CEP70: variants seen among roughly 807,000 people sequenced by gnomAD.
CEP70 encodes centrosomal protein of 70 kDa.
Under a neutral mutation model 90.9 loss-of-function variants are expected in CEP70, and 70 were observed. The observed-to-expected ratio is 0.77, with a 90% CI of 0.64 to 0.94. The LOEUF (loss-of-function observed/expected upper bound fraction) is 0.94, where lower values mean the gene tolerates loss of function less well. Ranked by LOEUF, CEP70 falls within the 40% of genes least tolerant of loss-of-function variation. The pLI, the probability that CEP70 is intolerant of heterozygous loss-of-function variation, is 0.00. For missense variants in CEP70, 648 were observed against 669.0 expected (o/e 0.97, Z 0.35); for synonymous variants, 220 against 228.3 (o/e 0.96, Z 0.33).
rs180759652 is a variant in CEP70, at chr3:138,497,488, T to G, written c.1732+543A>C. The G allele has an allele frequency of 1.3e-3, 1,293 of 969,880 alleles. 3 individuals are homozygous for G. The highest frequency in any genetic ancestry group is 1.5e-3 in the Non-Finnish European group (1,189 of 815,904). 60.1% of individuals were successfully genotyped at this position (969,880 alleles called of 1,614,324 possible). ...ACTAGATAAGGTCTCTATTTTGCCT[T>G]ATGAGTCCTAAGCAAATTTTTTCCT... On this transcript the variant is annotated intron_variant, in intron 17 of 17. Coordinates refer to ENST00000264982, the MANE Select transcript of CEP70 (RefSeq NM_024491.4).
At chr3:138,537,528 G>GA (rs1309882255) in intron 6 of CEP70, among the ~76,000 whole-genome samples, 181 bp from the exon 7 acceptor site, 3 of 151,994 alleles carry the variant, frequency 2.0e-5, no homozygotes, top group African/African-American at 7.2e-5. Context: ...TCATAAACCT[G>GA]AAAAAATATA....
At chr3:138,496,706 T>TA (rs2033979733) in intron 17 of CEP70, 13 of 985,354 alleles carry the variant, frequency 1.3e-5, no homozygotes, top group Non-Finnish European at 1.6e-5. Flanking sequence ...ACCTATTAAT[T>TA]AAAAAAACTG....
At chr3:138,558,720 A>C (rs1350953897) in intron 6 of CEP70, among the ~76,000 whole-genome samples, 1 of 152,222 alleles carries the variant, frequency 6.6e-6, no homozygotes, top group African/African-American at 2.4e-5. Context: ...AATCATGATT[A>C]CCTCTAGGGT....
At chr3:138,517,407 T>C (rs1023642913) in intron 11 of CEP70, among the ~76,000 whole-genome samples, 6 of 152,126 alleles carry the variant, frequency 3.9e-5, no homozygotes, top group African/African-American at 1.2e-4. Context: ...CGGTGACTCA[T>C]GCCTGTAATC....
intron 11 of CEP70, among the ~76,000 whole-genome samples, chr3:138,513,132 G>T (rs2035681269): frequency 6.6e-6 from 1 of 152,190 alleles, no homozygotes; most frequent in South Asian, 2.1e-4. Context: ...GCTCTGCCTG[G>T]AAGATCTCTT....
In CEP70 at chr3:138,538,544, A is replaced by C. The variant is rs371759754; in HGVS notation, c.466-1197T>G. ...ACCTCTATGTAAACATATCCAAGAA[A>C]AACCCAAACAAGCCAGACAGTGAAA... On this transcript the variant is annotated intron_variant, in intron 6 of 17. Coordinates refer to ENST00000264982, the MANE Select transcript of CEP70 (RefSeq NM_024491.4). 6.6e-5 allele frequency among the ~76,000 whole-genome samples: 10 copies of C among 152,280 alleles called. No individual in the cohort carries two copies. The East Asian group carries it at 9.7e-4, about 15-fold the overall frequency.
intron 11 of CEP70, among the ~76,000 whole-genome samples, chr3:138,523,519 C>G (rs2036894930): frequency 6.6e-6 from 1 of 152,130 alleles, no homozygotes; most frequent in Admixed American, 6.5e-5. Context: ...TAGGCAACTT[C>G]AGCAAAGTCT....
At chr3:138,514,722 A>G (rs919504025) in intron 11 of CEP70, among the ~76,000 whole-genome samples, 1 of 152,096 alleles carries the variant, frequency 6.6e-6, no homozygotes, top group African/African-American at 2.4e-5. Context: ...TTTAAGTTTT[A>G]CCTTGAAAAA....
At position 138,573,028 on chromosome 3, in the gene CEP70, G is replaced by C. The variant is rs12490929; in HGVS notation, c.-5-96C>G. On this transcript the variant is annotated intron_variant, in intron 2 of 17. Transcript: ENST00000264982. Reference sequence around the variant, plus strand: ...AAAGTGCAAAAGGAGTTAAAGAAAAGTATATTTAAAAGAATCCACTACTCT... The same window carrying C: ...AAAGTGCAAAAGGAGTTAAAGAAAACTATATTTAAAAGAATCCACTACTCT... 7.2e-3 allele frequency: 6,056 copies of C among 837,540 alleles called. 176 individuals are homozygous for C. In the Admixed American group the frequency reaches 0.072, roughly 10 times the overall value. The allele number at this position is 837,540 out of a possible 1,614,324, so 51.9% of individuals were successfully genotyped here.
intron 6 of CEP70, among the ~76,000 whole-genome samples, chr3:138,560,177 G>A (rs1336707447): frequency 6.6e-6 from 1 of 152,182 alleles, no homozygotes; most frequent in African/African-American, 2.4e-5. Context: ...CATCTAATTG[G>A]GATTGGTTGG....
intron 6 of CEP70, among the ~76,000 whole-genome samples, chr3:138,560,905 G>A (rs1290192459): frequency 6.6e-6 from 1 of 152,142 alleles, no homozygotes; most frequent in Non-Finnish European, 1.5e-5. Context: ...ATCTCCCTGG[G>A]ACAGAGCACC....
chr3:138,502,475 T>C (rs1396777846), intron 13 of CEP70, among the ~76,000 whole-genome samples: 1 of 152,110 alleles, frequency 6.6e-6, no homozygotes, highest in Non-Finnish European at 1.5e-5. Context: ...GTTACTATTT[T>C]AGTAATTCAT....
chr3:138,507,933 A>G (rs1172162649), intron 12 of CEP70, among the ~76,000 whole-genome samples: 1 of 152,220 alleles, frequency 6.6e-6, no homozygotes, highest in African/African-American at 2.4e-5. Flanking sequence ...AATGTGAGTG[A>G]AAGTCCAGTT....
intron 12 of CEP70, 145 bp downstream of exon 12, chr3:138,508,294 T>C (rs556908028): frequency 2.6e-5 from 16 of 621,584 alleles, no homozygotes; most frequent in African/African-American, 1.6e-4. Context: ...CAAATAGTTA[T>C]GTCACGGAAA....
chr3:138,564,489 C>T (rs144218897), intron 6 of CEP70, among the ~76,000 whole-genome samples: 219 of 152,226 alleles, frequency 1.4e-3, no homozygotes, highest in African/African-American at 5.0e-3. Context: ...CATCAAAAAC[C>T]GTATCCACCA....
rs751105453 is a variant in CEP70, at chr3:138,505,349, A to C, written c.1167T>G (p.Phe389Leu). Reference protein sequence around the residue: ...FNKDLVQDCGFEHLVPVIEMW... With the variant: ...FNKDLVQDCGLEHLVPVIEMW... Reference sequence around the variant, plus strand: ...TTTCTATTACAGGAACAAGATGCTCAAATCCACAATCTTGAACAAGATCTT... The same window carrying C: ...TTTCTATTACAGGAACAAGATGCTCCAATCCACAATCTTGAACAAGATCTT... Residue 389 changes from phenylalanine (F) to leucine (L), a missense_variant, in exon 13 of 18, where the codon TTT (phenylalanine) becomes TTG (leucine). Coordinates refer to ENST00000264982, the MANE Select transcript of CEP70 (RefSeq NM_024491.4). 2 of 1,612,840 alleles carry C rather than the reference A, an allele frequency of 1.2e-6. No homozygotes were observed. The highest frequency in any genetic ancestry group is 1.1e-5 in the South Asian group (1 of 90,920).
rs114946970 is a variant in CEP70, at chr3:138,496,196, G to A, written c.1733-1120C>T. The A allele has an allele frequency of 1.7e-3, 1,646 of 985,302 alleles. 20 individuals carry two copies. In the African/African-American group the frequency reaches 0.026, roughly 16 times the overall value. The allele number at this position is 985,302 out of a possible 1,614,324, so 61.0% of individuals were successfully genotyped here. A position where few individuals can be genotyped will look rare whatever the true frequency, so the allele number is the denominator to read the frequency against. On this transcript the variant is annotated intron_variant, in intron 17 of 17. Coordinates refer to ENST00000264982, the MANE Select transcript of CEP70 (RefSeq NM_024491.4). ...TTCTGTTAAGCCATCATTAATAAAC[G>A]CGTTCCCTTACATAAAGCATGCTTT...
chr3:138,520,161 A>G (rs2036474607), intron 11 of CEP70, among the ~76,000 whole-genome samples: 1 of 152,248 alleles, frequency 6.6e-6, no homozygotes, highest in Admixed American at 6.5e-5. Context: ...CATCCAATAC[A>G]GGAGCACCCA....
Position 138,570,901 on chromosome 3 carries a change from ATT to A in CEP70, c.284+131_284+132del, listed in dbSNP as rs113340083. Reference sequence around the variant, plus strand: ...ATTACCAAAAGATTTACCTATTAAAATTTTACCTACAAAAATATTTTTTAGTT... The same window carrying A: ...ATTACCAAAAGATTTACCTATTAAAATTACCTACAAAAATATTTTTTAGTT... On this transcript the variant is annotated intron_variant, in intron 5 of 17. Coordinates refer to ENST00000264982, the MANE Select transcript of CEP70 (RefSeq NM_024491.4). 122 of 716,438 alleles carry A rather than the reference ATT, an allele frequency of 1.7e-4. 2 individuals are homozygous for A. Among genetic ancestry groups the A allele is most frequent in the African/African-American group, 1.7e-3 (92 of 54,350 alleles). 44.4% of individuals were successfully genotyped at this position (716,438 alleles called of 1,614,324 possible).
Sources: allele counts gnomAD v4.1 joint callset (sites outside exome capture counted in the v4.1 genomes callset), GRCh38; gene constraint gnomAD v4.1.1; transcripts MANE v1.5; gene names NCBI Gene and HGNC (gene_info 2026-07-23, HGNC 2026-07-21).